IKBIP: variants seen among roughly 807,000 people sequenced by gnomAD.
The protein encoded by IKBIP is IKBKB interacting protein.
IKBIP carries 28 observed loss-of-function variants against 31.0 expected under a neutral mutation model. The ratio of observed to expected loss-of-function variants is 0.90; its 90% CI spans 0.67 to 1.24. IKBIP has a LOEUF of 1.24. Ranked by LOEUF, IKBIP falls within the 50% of genes most tolerant of loss-of-function variation. IKBIP has a pLI of 0.00. For missense variants in IKBIP, 453 were observed against 441.9 expected, an observed-to-expected ratio of 1.03 and a Z score of -0.23; for synonymous variants, 164 against 160.3, an observed-to-expected ratio of 1.02 and a Z score of -0.17.
intron 1 of IKBIP, among the ~76,000 whole-genome samples, chr12:98,639,403 T>C (rs1479579505): frequency 1.3e-5 from 2 of 152,174 alleles, no homozygotes; most frequent in Non-Finnish European, 2.9e-5. Context: ...CACTTATAAA[T>C]CACTAAATAA....
At chr12:98,631,918 T>C (rs7958706) in intron 2 of IKBIP, among the ~76,000 whole-genome samples, 130,537 of 151,478 alleles carry the variant, frequency 0.86, 56,451 homozygotes, top group African/African-American at 0.93. Flanking sequence ...CACAATGGCG[T>C]GATCTCAGCT....
chr12:98,634,241 G>T, intron 2 of IKBIP, 55 bp downstream of exon 2: 1 of 824,662 alleles, frequency 1.2e-6, no homozygotes, highest in Non-Finnish European at 2.1e-6. Context: ...ATAGAGAAAT[G>T]ATAGTGGGGT....
At position 98,626,160 on chromosome 12, in the gene IKBIP, TAGTCA is replaced by T. The variant is rs773908468; in HGVS notation, c.899_903del (p.Leu300TyrfsTer5). 6.2e-7 allele frequency: 1 copy of T among 1,613,638 alleles called. No individual in the cohort carries two copies. The highest frequency in any genetic ancestry group is 8.5e-7 in the Non-Finnish European group (1 of 1,179,656). On this transcript the variant is annotated frameshift_variant, in exon 3 of 3. Coordinates refer to ENST00000299157, the MANE Select transcript of IKBIP (RefSeq NM_153687.4). LOFTEE classifies it high-confidence loss of function. ...TCATCTTCCATATTAAACATCTGCA[TAGTCA>T]AGTCTTCCATTTTCTTTTCTGTTTC...
chr12:98,624,639 C>T lies in IKBIP; in HGVS notation c.*1291G>A, dbSNP rs1333482161. On this transcript the variant is annotated 3_prime_UTR_variant, in exon 3 of 3. Transcript: ENST00000299157. ...CAAACTTCCATATTGCAGTTGACTACATTATATAATTTCAAATAAAATAAA... is the reference window on the plus strand; with the variant it reads ...CAAACTTCCATATTGCAGTTGACTATATTATATAATTTCAAATAAAATAAA... 2.6e-5 allele frequency: 23 copies of T among 872,348 alleles called. No individual in the cohort carries two copies. The highest frequency in any genetic ancestry group is 3.2e-5 in the Non-Finnish European group (23 of 727,166). The allele number at this position is 872,348 out of a possible 1,614,324, so 54.0% of individuals were successfully genotyped here.
intron 2 of IKBIP, among the ~76,000 whole-genome samples, chr12:98,618,427 C>A: frequency 6.6e-6 from 1 of 151,298 alleles, no homozygotes; most frequent in East Asian, 2.0e-4. Flanking sequence ...GAGATCGAGA[C>A]CATCCTGGCT....
At chr12:98,614,191 C>T (rs887438786) in exon 3 of IKBIP, 7 of 1,613,884 alleles carry the variant, frequency 4.3e-6, no homozygotes, top group South Asian at 1.1e-5. Context: ...CTTGAGAAAG[C>T]GTCGTCAGAC....
chr12:98,621,182 G>C (rs1270570361), downstream of IKBIP, among the ~76,000 whole-genome samples: 1 of 152,118 alleles, frequency 6.6e-6, no homozygotes, highest in Non-Finnish European at 1.5e-5. Flanking sequence ...CCAGGAGACG[G>C]AGGTTGTAGT....
chr12:98,644,754 C>A lies in IKBIP; in HGVS notation c.-53G>T, dbSNP rs2097637158. On this transcript the variant is annotated 5_prime_UTR_variant, in exon 1 of 3. Coordinates refer to ENST00000299157, the MANE Select transcript of IKBIP (RefSeq NM_153687.4). ...AGGGCAGCTTCTTCACCAGGGGGAG[C>A]AGGACGTGGCCGCCTTGGCGTTCGT... is the stretch of plus-strand genomic sequence containing the variant. 1 of 1,556,698 alleles carries A rather than the reference C, an allele frequency of 6.4e-7. No homozygotes were observed. The highest frequency in any genetic ancestry group is 2.4e-5 in the East Asian group (1 of 42,330).
At chr12:98,637,002 T>C (rs2097626303) in intron 1 of IKBIP, among the ~76,000 whole-genome samples, 1 of 152,126 alleles carries the variant, frequency 6.6e-6, no homozygotes, top group Non-Finnish European at 1.5e-5. Context: ...ATCTATACTA[T>C]AGATTAGCGA....
rs771723709 is a variant in IKBIP, at chr12:98,626,574, C to T, written c.490G>A (p.Glu164Lys). 27 of 1,613,306 alleles carry T rather than the reference C, an allele frequency of 1.7e-5. 1 individual carries two copies. The highest frequency in any genetic ancestry group is 2.2e-5 in the South Asian group (2 of 91,064). Reference protein sequence around the residue: ...NITDFWKRSLEEMNINTDIFK... With the variant: ...NITDFWKRSLKEMNINTDIFK... ...ATGTCTGTATTAATGTTCATTTCTT[C>T]TAGGCTTCTCTTCCAGAAATCCGTA... is the stretch of plus-strand genomic sequence containing the variant. The change falls in exon 3 of 3, where the codon GAA becomes AAA. Residue 164 changes from glutamate to lysine, a missense_variant. Transcript: ENST00000299157.
At chr12:98,627,959 G>C (rs555675167) in intron 2 of IKBIP, among the ~76,000 whole-genome samples, 1 of 152,308 alleles carries the variant, frequency 6.6e-6, no homozygotes, top group African/African-American at 2.4e-5. Flanking sequence ...ATGGTAAAGT[G>C]TTTTAAGTAT....
chr12:98,623,605 A>G (rs1489681242), downstream of IKBIP, among the ~76,000 whole-genome samples: 1 of 107,304 alleles, frequency 9.3e-6, no homozygotes, highest in African/African-American at 4.1e-5. Context: ...AGGTCTCACT[A>G]TGTTACCCAG....
chr12:98,641,547 GC>G (rs2097630444), intron 1 of IKBIP, among the ~76,000 whole-genome samples: 3 of 152,126 alleles, frequency 2.0e-5, no homozygotes, highest in South Asian at 2.1e-4. Flanking sequence ...GCAATAAACA[GC>G]AACCAAAGTA....
Position 98,625,391 on chromosome 12 carries a change from CT to C in IKBIP, c.*538del. On this transcript the variant is annotated 3_prime_UTR_variant, in exon 3 of 3. Transcript: ENST00000299157. ...CCAGGCTCTCCCTCAGGCATGTTAT[CT>C]TTTATTTTACACAAAATTCCCATGA... 1.4e-6 allele frequency: 1 copy of C among 719,262 alleles called. No homozygotes were observed. The highest frequency in any genetic ancestry group is 1.7e-6 in the Non-Finnish European group (1 of 587,312). 44.6% of individuals were successfully genotyped at this position (719,262 alleles called of 1,614,324 possible).
At chr12:98,633,069 G>A (rs1487541995) in intron 2 of IKBIP, among the ~76,000 whole-genome samples, 1 of 152,142 alleles carries the variant, frequency 6.6e-6, no homozygotes, top group Non-Finnish European at 1.5e-5. Flanking sequence ...TCTTCTGGAG[G>A]ATTATATGCT....
At position 98,626,684 on chromosome 12, in the gene IKBIP, A is replaced by C. The variant is rs2097614828; in HGVS notation, c.380T>G (p.Leu127Arg). 6.2e-7 allele frequency: 1 copy of C among 1,613,944 alleles called. No individual in the cohort carries two copies. The change falls in exon 3 of 3, where the codon CTC becomes CGC. Residue 127 changes from leucine (L) to arginine (R), a missense_variant. Physicochemically the swap from Leu to Arg is moderately radical, Grantham distance 102. Coordinates refer to ENST00000299157, the MANE Select transcript of IKBIP (RefSeq NM_153687.4). Reference protein sequence around the residue: ...MTQFEQEVSNLQDIMHDIQNN... With the variant: ...MTQFEQEVSNRQDIMHDIQNN... Reference sequence around the variant, plus strand: ...TTGAATGTCATGCATGATATCTTGGAGGTTGGATACTTCCTGCTCAAACTG... The same window carrying C: ...TTGAATGTCATGCATGATATCTTGGCGGTTGGATACTTCCTGCTCAAACTG...
At chr12:98,630,937 CA>C (rs67335226) in intron 2 of IKBIP, among the ~76,000 whole-genome samples, 129,477 of 150,396 alleles carry the variant, frequency 0.86, 55,936 homozygotes, top group African/African-American at 0.94. Context: ...TTTTTCTTTT[CA>C]TTTTTTTTTT....
chr12:98,644,568 G>C lies in IKBIP; in HGVS notation c.134C>G (p.Thr45Arg), dbSNP rs1331399494. 1 of 1,608,738 alleles carries C rather than the reference G, an allele frequency of 6.2e-7. No individual in the cohort carries two copies. The highest frequency in any genetic ancestry group is 1.1e-5 in the South Asian group (1 of 90,668). Reference sequence around the variant, plus strand: ...CCCCAGCGACAGCAGGCTCAGGCACGTTCGGGGGTCTGCCCAGCCCCCGCC... The same window carrying C: ...CCCCAGCGACAGCAGGCTCAGGCACCTTCGGGGGTCTGCCCAGCCCCCGCC... ...SGGGGWADPR[T>R]CLSLLSLGTC... The change falls in exon 1 of 3, where the codon ACG becomes AGG. Residue 45 changes from threonine (T) to arginine (R), a missense_variant. Transcript: ENST00000299157.
intron 1 of IKBIP, among the ~76,000 whole-genome samples, chr12:98,644,104 A>G (rs1208110918): frequency 6.6e-6 from 1 of 152,166 alleles, no homozygotes; most frequent in African/African-American, 2.4e-5. Flanking sequence ...TAAGGTTGCA[A>G]GTATTTCCAT....
Sources: gnomAD v4.1 joint callset for allele counts (sites outside exome capture counted in the v4.1 genomes callset) on GRCh38, gnomAD v4.1.1 for gene constraint, MANE v1.5 for transcripts, NCBI Gene and HGNC (gene_info 2026-07-23, HGNC 2026-07-21) for gene names.